Variants in MACROD2 observed in about 807,000 individuals in gnomAD.
MACROD2 encodes the protein ADP-ribose glycohydrolase MACROD2.
Under a neutral mutation model 70.4 loss-of-function variants are expected in MACROD2, and 36 were observed. The ratio of observed to expected loss-of-function variants is 0.51; its 90% CI spans 0.39 to 0.68. The LOEUF (loss-of-function observed/expected upper bound fraction) is 0.68, where lower values mean the gene tolerates loss of function less well. Ranked by LOEUF, MACROD2 falls within the 30% of genes least tolerant of loss-of-function variation. MACROD2 has a pLI of 0.00. For synonymous variants in MACROD2, 172 were observed against 178.8 expected (o/e 0.96, Z 0.30); for missense variants, 496 against 538.4 (o/e 0.92, Z 0.78).
intron 8 of MACROD2, among the ~76,000 whole-genome samples, chr20:15,759,806 C>T (rs1439752761): frequency 6.6e-6 from 1 of 152,118 alleles, no homozygotes; most frequent in Non-Finnish European, 1.5e-5. Flanking sequence ...ACTAGTCACA[C>T]CCAGCAGTTT....
At chr20:15,014,869 A>G (rs1470621211) in intron 5 of MACROD2, among the ~76,000 whole-genome samples, 1 of 152,138 alleles carries the variant, frequency 6.6e-6, no homozygotes, top group Admixed American at 6.5e-5. Context: ...TATGATATTG[A>G]TGTTGTCCAT....
chr20:15,240,952 G>A (rs1311830259), intron 6 of MACROD2, among the ~76,000 whole-genome samples: 2 of 152,196 alleles, frequency 1.3e-5, no homozygotes, highest in East Asian at 3.8e-4. Flanking sequence ...CCAGAACTGT[G>A]AGAAATAATA....
intron 5 of MACROD2, among the ~76,000 whole-genome samples, chr20:15,079,169 G>A (rs2075683566): frequency 6.6e-6 from 1 of 150,836 alleles, no homozygotes; most frequent in Non-Finnish European, 1.5e-5. Flanking sequence ...ATGTTTACTT[G>A]TATGTCCTCA....
At chr20:14,310,472 T>TA (rs1407998648) in intron 3 of MACROD2, among the ~76,000 whole-genome samples, 2 of 152,190 alleles carry the variant, frequency 1.3e-5, no homozygotes, top group Admixed American at 1.3e-4. Flanking sequence ...TGCAACGCAG[T>TA]ACTCGCGTAT....
intron 7 of MACROD2, among the ~76,000 whole-genome samples, chr20:15,473,603 G>A (rs1476638002): frequency 6.6e-6 from 1 of 152,124 alleles, no homozygotes; most frequent in Non-Finnish European, 1.5e-5. Flanking sequence ...CATTTTCTGA[G>A]CTGAGTATTA....
intron 3 of MACROD2, among the ~76,000 whole-genome samples, chr20:14,467,942 A>T (rs1198047827): frequency 6.6e-6 from 1 of 152,030 alleles, no homozygotes; most frequent in Admixed American, 6.5e-5. Context: ...CTTTATCCTG[A>T]GTTCTAATTT....
At chr20:15,959,867 C>T (rs964742910) in intron 12 of MACROD2, among the ~76,000 whole-genome samples, 3 of 151,978 alleles carry the variant, frequency 2.0e-5, no homozygotes, top group Middle Eastern at 3.2e-3. Flanking sequence ...AAAAAAAACA[C>T]TTTAGAAATG....
chr20:15,638,790 G>C (rs1174207808), intron 8 of MACROD2, among the ~76,000 whole-genome samples: 1 of 152,184 alleles, frequency 6.6e-6, no homozygotes, highest in Non-Finnish European at 1.5e-5. Flanking sequence ...GGGCCAGGTG[G>C]TTAACTTTTC....
intron 5 of MACROD2, among the ~76,000 whole-genome samples, chr20:15,060,402 C>T (rs1601013395): frequency 1.3e-5 from 2 of 152,178 alleles, no homozygotes; most frequent in Admixed American, 6.5e-5. Context: ...CTGCTTTCCC[C>T]GTTTACCAAG....
chr20:14,216,189 G>A (rs1169959468), intron 3 of MACROD2, among the ~76,000 whole-genome samples: 1 of 152,122 alleles, frequency 6.6e-6, no homozygotes, highest in East Asian at 1.9e-4. Flanking sequence ...TGTATAAGGT[G>A]AGAGATGAGG....
At chr20:14,613,281 T>C (rs1983282207) in intron 4 of MACROD2, among the ~76,000 whole-genome samples, 1 of 152,164 alleles carries the variant, frequency 6.6e-6, no homozygotes, top group East Asian at 1.9e-4. Flanking sequence ...CAATGATTCA[T>C]ACGCATTCCC....
chr20:14,817,412 G>C lies in MACROD2; in HGVS notation c.418+132453G>C, dbSNP rs150025092. On this transcript the variant is annotated intron_variant, in intron 5 of 17. Coordinates refer to ENST00000684519, the MANE Select transcript of MACROD2 (RefSeq NM_001351661.2). ...GTCGTGTTGAAAACCACATGTAAAA[G>C]ACATGAACACTAAGTTGTCTTATCA... Among the ~76,000 whole-genome samples, 655 of 152,034 alleles carry C rather than the reference G, an allele frequency of 4.3e-3. 6 individuals carry two copies. The highest frequency in any genetic ancestry group is 0.02 in the Middle Eastern group (6 of 294).
At chr20:14,118,992 C>T (rs951994872) in intron 3 of MACROD2, among the ~76,000 whole-genome samples, 2 of 151,104 alleles carry the variant, frequency 1.3e-5, no homozygotes, top group African/African-American at 4.9e-5. Flanking sequence ...ACTACAGGCA[C>T]CCGCCACCAT....
chr20:15,361,847 G>A (rs1170270737), intron 6 of MACROD2, among the ~76,000 whole-genome samples: 2 of 151,824 alleles, frequency 1.3e-5, no homozygotes, highest in African/African-American at 2.4e-5. Context: ...AACTTTTGGG[G>A]TCCACATGTT....
chr20:15,606,345 C>A (rs1243142932), intron 8 of MACROD2, among the ~76,000 whole-genome samples: 3 of 152,136 alleles, frequency 2.0e-5, no homozygotes, highest in Admixed American at 2.0e-4. Context: ...CAGGCTTTTT[C>A]CTGCCTCTAC....
In MACROD2 at chr20:14,969,361, T is replaced by TACACACACACACAC. The variant is rs3045701; in HGVS notation, c.419-260551_419-260538dup. Among the ~76,000 whole-genome samples, 27 of 138,124 alleles carry TACACACACACACAC rather than the reference T, an allele frequency of 2.0e-4. No homozygotes were observed. The East Asian group carries it at 3.4e-3, about 17-fold the overall frequency. 90.6% of individuals were successfully genotyped at this position (138,124 alleles called of 152,430 possible). On this transcript the variant is annotated intron_variant, in intron 5 of 17. Coordinates refer to ENST00000684519, the MANE Select transcript of MACROD2 (RefSeq NM_001351661.2). Reference sequence around the variant, plus strand: ...AATTTAAAAGCTATATAAATGCTTTTACACACACACACACACACACACACA... The same window carrying TACACACACACACAC: ...AATTTAAAAGCTATATAAATGCTTTTACACACACACACACACACACACACACACACACACACACA...
intron 5 of MACROD2, among the ~76,000 whole-genome samples, chr20:15,203,638 A>ATTAT (rs1234668027): frequency 1.5e-4 from 23 of 152,156 alleles, no homozygotes; most frequent in African/African-American, 5.3e-4. Flanking sequence ...GCCAAAAGCT[A>ATTAT]TTATTTATAT....
At chr20:14,471,728 A>G (rs1181867242) in intron 3 of MACROD2, among the ~76,000 whole-genome samples, 1 of 152,162 alleles carries the variant, frequency 6.6e-6, no homozygotes, top group African/African-American at 2.4e-5. Flanking sequence ...CTAAGGTTAG[A>G]AGGTACTCTT....
At chr20:15,978,122 T>C (rs1319578413) in intron 13 of MACROD2, among the ~76,000 whole-genome samples, 1 of 152,212 alleles carries the variant, frequency 6.6e-6, no homozygotes, top group African/African-American at 2.4e-5. Flanking sequence ...CAGGCTCTGA[T>C]TCTGTAGGTC....
Sources: gnomAD v4.1 joint callset for allele counts (sites outside exome capture counted in the v4.1 genomes callset) on GRCh38, gnomAD v4.1.1 for gene constraint, MANE v1.5 for transcripts, NCBI Gene and HGNC (gene_info 2026-07-23, HGNC 2026-07-21) for gene names.